SETD3: variants seen among roughly 807,000 people sequenced by gnomAD.
The protein encoded by SETD3 is actin-histidine N-methyltransferase.
SETD3 carries 19 observed loss-of-function variants against 63.0 expected under a neutral mutation model. The observed-to-expected ratio is 0.30, with a 90% CI of 0.21 to 0.44. The LOEUF (loss-of-function observed/expected upper bound fraction) is 0.44. Among genes scored for constraint, SETD3 ranks in the 20% least tolerant of loss-of-function variants. SETD3 has a pLI of 1.00. For missense variants in SETD3, 587 were observed against 728.5 expected (o/e 0.81, Z 2.24); for synonymous variants, 286 against 264.1 (o/e 1.08, Z -0.80).
chr14:99,410,368 TC>T, intron 8 of SETD3: 2 of 1,058,822 alleles, frequency 1.9e-6, no homozygotes, highest in South Asian at 3.3e-5. Context: ...GATTTTTTTT[TC>T]AATACACAAA....
At chr14:99,410,447 T>C (rs1201093655) in intron 8 of SETD3, among the ~76,000 whole-genome samples, 2 of 152,176 alleles carry the variant, frequency 1.3e-5, no homozygotes, top group Non-Finnish European at 2.9e-5. Context: ...TCATCCCACC[T>C]GGTAGAGTCG....
chr14:99,473,235 GAATA>G (rs1270587447), intron 1 of SETD3, among the ~76,000 whole-genome samples: 4 of 152,198 alleles, frequency 2.6e-5, no homozygotes, highest in Non-Finnish European at 5.9e-5. Context: ...CTGAATCGTG[GAATA>G]AATGGGTCAG....
Position 99,472,178 on chromosome 14 carries a change from C to T in SETD3, c.-8-6365G>A, listed in dbSNP as rs182247695. Among the ~76,000 whole-genome samples, 5 of 152,342 alleles carry T rather than the reference C, an allele frequency of 3.3e-5. No individual in the cohort carries two copies. The South Asian group carries it at 8.3e-4, about 25-fold the overall frequency. On this transcript the variant is annotated intron_variant, in intron 1 of 12. Coordinates refer to ENST00000331768, the MANE Select transcript of SETD3 (RefSeq NM_032233.3). ...AGGCCTGCAGTTCCCAAGGATGAGG[C>T]TGGGAAACCAAGACTCACACTCAAA...
chr14:99,422,853 T>TC (rs1347501186), intron 6 of SETD3, among the ~76,000 whole-genome samples: 1 of 151,974 alleles, frequency 6.6e-6, no homozygotes, highest in Admixed American at 6.6e-5. Flanking sequence ...CAAAAACCCT[T>TC]CCCCCATCAA....
At chr14:99,447,736 G>C (rs1244652259) in intron 6 of SETD3, among the ~76,000 whole-genome samples, 1 of 152,140 alleles carries the variant, frequency 6.6e-6, no homozygotes, top group African/African-American at 2.4e-5. Flanking sequence ...AGTTGAACCG[G>C]TAAGGATAAC....
chr14:99,405,475 T>G (rs1262304), intron 9 of SETD3, 104 bp from the exon 10 acceptor site: 517,132 of 1,187,806 alleles, frequency 0.44, 115,913 homozygotes, highest in Admixed American at 0.57. Flanking sequence ...ATTTAGACAC[T>G]AAATAGCTGA....
chr14:99,413,045 A>G lies in SETD3; in HGVS notation c.755T>C (p.Met252Thr), dbSNP rs146965197. ...EDYRWAVSSVMTRQNQIPTED... is the reference protein window; with the variant it reads ...EDYRWAVSSVTTRQNQIPTED... ...TGTGGGAATTTGGTTTTGCCTCGTC[A>G]TAACAGAAGAGACTGCCCACCTATA... The change falls in exon 8 of 13, where the codon ATG becomes ACG. Residue 252 changes from methionine to threonine, a missense_variant. Met to Thr is a moderately conservative substitution (Grantham distance 81). Transcript: ENST00000331768. The G allele has an allele frequency of 1.8e-5, 29 of 1,612,114 alleles. No individual in the cohort carries two copies. The highest frequency in any genetic ancestry group is 1.5e-4 in the African/African-American group (11 of 75,008).
At chr14:99,428,062 G>A (rs1892979412) in intron 6 of SETD3, among the ~76,000 whole-genome samples, 1 of 152,240 alleles carries the variant, frequency 6.6e-6, no homozygotes, top group Non-Finnish European at 1.5e-5. Context: ...ACAGAGGGAT[G>A]AAAAGGTGCA....
intron 1 of SETD3, among the ~76,000 whole-genome samples, chr14:99,469,436 T>C (rs1465808184): frequency 2.0e-5 from 3 of 152,172 alleles, no homozygotes; most frequent in Non-Finnish European, 4.4e-5. Context: ...CCTTAATAAA[T>C]TGAGGTATAA....
intron 6 of SETD3, among the ~76,000 whole-genome samples, chr14:99,415,399 T>C (rs2139649209): frequency 6.6e-6 from 1 of 152,334 alleles, no homozygotes; most frequent in South Asian, 2.1e-4. Flanking sequence ...CTCAAAATGC[T>C]AAATCTAAAA....
chr14:99,470,049 G>A (rs1438466672), intron 1 of SETD3, among the ~76,000 whole-genome samples: 1 of 152,188 alleles, frequency 6.6e-6, no homozygotes, highest in Non-Finnish European at 1.5e-5. Flanking sequence ...TTCGAGGACT[G>A]AACTGCCTCA....
In SETD3 at chr14:99,453,820, C is replaced by T. The variant is rs528627431; in HGVS notation, c.675+4459G>A. Among the ~76,000 whole-genome samples, 370 of 151,276 alleles carry T rather than the reference C, an allele frequency of 2.4e-3. 1 individual carries two copies. Among genetic ancestry groups the T allele is most frequent in the African/African-American group, 8.7e-3 (357 of 41,154 alleles). On this transcript the variant is annotated intron_variant, in intron 6 of 12. Transcript: ENST00000331768. The stretch of plus-strand genomic sequence containing the variant: ...CACCCTAGGTGATAGAGCAAGTCTC[C>T]ACCTCAAGAAAAAAAAAAAGCTCAT...
chr14:99,426,350 A>G (rs1892882147), intron 6 of SETD3, among the ~76,000 whole-genome samples: 2 of 152,246 alleles, frequency 1.3e-5, no homozygotes, highest in Non-Finnish European at 2.9e-5. Context: ...AGTGAAGTGG[A>G]AAAGCAGGGA....
intron 6 of SETD3, among the ~76,000 whole-genome samples, chr14:99,432,720 C>T (rs1893252275): frequency 6.6e-6 from 1 of 152,232 alleles, no homozygotes; most frequent in African/African-American, 2.4e-5. Flanking sequence ...CACAAGAACA[C>T]TCTCACCATC....
chr14:99,398,701 C>T lies in SETD3; in HGVS notation c.1763G>A (p.Ser588Asn). 6.2e-7 allele frequency: 1 copy of T among 1,614,042 alleles called. No homozygotes were observed. The highest frequency in any genetic ancestry group is 8.5e-7 in the Non-Finnish European group (1 of 1,179,952). The change falls in exon 13 of 13, where the codon AGC (serine) becomes AAC (asparagine). Residue 588 changes from serine (S) to asparagine (N), a missense_variant. Coordinates refer to ENST00000331768, the MANE Select transcript of SETD3 (RefSeq NM_032233.3). ...GAGCTACTCCTTAACTCCAGCAGTG[C>T]TGTCTGAAGAAGATCCTTTGGCGTC... ...VEDAKGSSSDSTAGVKE is the reference protein window; with the variant it reads ...VEDAKGSSSDNTAGVKE
At chr14:99,472,264 T>A (rs902722857) in intron 1 of SETD3, among the ~76,000 whole-genome samples, 1 of 152,168 alleles carries the variant, frequency 6.6e-6, no homozygotes, top group Non-Finnish European at 1.5e-5. Flanking sequence ...AGAAATAAAG[T>A]ACAATTCAAG....
chr14:99,453,996 C>A (rs550832788), intron 6 of SETD3, among the ~76,000 whole-genome samples: 1 of 152,248 alleles, frequency 6.6e-6, no homozygotes, highest in South Asian at 2.1e-4. Context: ...GTAAAGACTG[C>A]GCTTTTCACA....
chr14:99,478,265 C>G (rs1896074709), intron 1 of SETD3, among the ~76,000 whole-genome samples: 1 of 152,210 alleles, frequency 6.6e-6, no homozygotes, highest in African/African-American at 2.4e-5. Flanking sequence ...TAAATGACTC[C>G]GAGTTCTCTT....
chr14:99,473,306 G>A (rs1172644394), intron 1 of SETD3, among the ~76,000 whole-genome samples: 2 of 152,204 alleles, frequency 1.3e-5, no homozygotes, highest in Admixed American at 1.3e-4. Flanking sequence ...GGGAGCGGAG[G>A]TGGGGTAAGG....
Sources: allele counts gnomAD v4.1 joint callset (sites outside exome capture counted in the v4.1 genomes callset), GRCh38; gene constraint gnomAD v4.1.1; transcripts MANE v1.5; gene names NCBI Gene and HGNC (gene_info 2026-07-23, HGNC 2026-07-21).